The following SEC14L5 variants were observed in gnomAD, a reference collection of about 807,000 sequenced individuals.
SEC14L5 encodes SEC14-like protein 5.
SEC14L5 carries 96 observed loss-of-function variants against 84.6 expected under a neutral mutation model. That is an observed-to-expected ratio of 1.13 (90% confidence interval 0.96 to 1.34). SEC14L5 has a LOEUF of 1.34. SEC14L5 is among the 40% of genes most tolerant of loss of function. The pLI is 0.00. For synonymous variants in SEC14L5, 546 were observed against 383.4 expected (o/e 1.42, Z -4.95); for missense variants, 1,224 against 942.5 (o/e 1.30, Z -3.91).
chr16:4,990,880 C>T lies in SEC14L5; in HGVS notation c.459C>T (p.Thr153=), dbSNP rs377449115. 8.4e-5 allele frequency: 135 copies of T among 1,601,962 alleles called. 1 individual carries two copies. The South Asian group carries it at 1.0e-3, about 12-fold the overall frequency. ...AGAAGATCGCCATGAAGCAGTACAC[C>T]GCCAACGTCAAGAGGGTAAGCGGTG... The part of the protein sequence containing the change: ...ALEKIAMKQY[T]ANVKRGKEVI... The change falls in exon 5 of 16, where the codon ACC becomes ACT. Residue 153 remains threonine, a synonymous_variant. Coordinates refer to ENST00000251170, the MANE Select transcript of SEC14L5 (RefSeq NM_014692.2).
Position 5,003,535 on chromosome 16 carries a change from G to A in SEC14L5, c.1264G>A (p.Val422Met), listed in dbSNP as rs748043090. ...YPETLGRLLI[V>M]RAPRVFPVLW... The stretch of plus-strand genomic sequence containing the variant: ...AGAGACCCTGGGTCGGCTGCTCATC[G>A]TGCGAGCCCCCCGAGTCTTCCCCGT... The change falls in exon 11 of 16, where the codon GTG becomes ATG. Residue 422 changes from valine (V) to methionine (M), a missense_variant. By Grantham distance (21) the Val-to-Met change is conservative. Transcript: ENST00000251170. 1.4e-5 allele frequency: 22 copies of A among 1,610,094 alleles called. No homozygotes were observed. In the East Asian group the frequency reaches 1.6e-4, roughly 11 times the overall value.
In SEC14L5 at chr16:5,007,450, C is replaced by G. The variant is rs760180046; in HGVS notation, c.1536C>G (p.Tyr512Ter). ...TDQLWQWSET[Y>*]HSASVLRGAP... is the part of the protein sequence containing the mutation. ...AGCTGTGGCAGTGGAGTGAGACCTA[C>G]CATTCAGCCAGCGTGCTCCGCGGAG... is the stretch of plus-strand genomic sequence containing the variant. The change falls in exon 13 of 16, where the codon TAC becomes TAG. Residue 512 changes from tyrosine to a stop codon, truncating the protein, a stop_gained. Coordinates refer to ENST00000251170, the MANE Select transcript of SEC14L5 (RefSeq NM_014692.2). LOFTEE classifies it high-confidence loss of function. 3 of 1,613,748 alleles carry G rather than the reference C, an allele frequency of 1.9e-6. 1 individual carries two copies. The highest frequency in any genetic ancestry group is 2.2e-5 in the South Asian group (2 of 91,060).
intron 2 of SEC14L5, among the ~76,000 whole-genome samples, chr16:4,981,806 G>A (rs780217613): frequency 1.3e-5 from 2 of 152,224 alleles, no homozygotes; most frequent in Non-Finnish European, 2.9e-5. Flanking sequence ...CCCAGAGAAA[G>A]GAAGGGGCTT....
chr16:5,011,668 G>C (rs1282161969), intron 15 of SEC14L5, among the ~76,000 whole-genome samples: 1 of 152,188 alleles, frequency 6.6e-6, no homozygotes, highest in Admixed American at 6.5e-5. Flanking sequence ...GTTGCTTTCA[G>C]AGAGACAGGG....
chr16:4,962,602 C>T (rs1276829707), intron 2 of SEC14L5, among the ~76,000 whole-genome samples: 1 of 148,818 alleles, frequency 6.7e-6, no homozygotes, highest in Non-Finnish European at 1.5e-5. Flanking sequence ...AGAGGAGAAT[C>T]GCTTAAACCC....
chr16:4,991,549 C>CA (rs1457019054), intron 5 of SEC14L5, among the ~76,000 whole-genome samples: 6 of 151,938 alleles, frequency 3.9e-5, no homozygotes, highest in African/African-American at 1.5e-4. Flanking sequence ...CTGGGCAACA[C>CA]AGCAAGACAC....
chr16:5,002,689 C>T (rs548541314), intron 10 of SEC14L5, among the ~76,000 whole-genome samples: 5 of 152,148 alleles, frequency 3.3e-5, no homozygotes, highest in South Asian at 2.1e-4. Context: ...TGGAGGCTCC[C>T]GGGCACCAGC....
At chr16:5,008,790 A>C (rs3743842) in intron 14 of SEC14L5, 142 bp downstream of exon 14, 159,687 of 693,926 alleles carry the variant, frequency 0.23, 19,930 homozygotes, top group East Asian at 0.28. Flanking sequence ...GGCAGAGGAA[A>C]GACACACAGG....
chr16:4,969,665 T>G (rs1199602197), intron 2 of SEC14L5, among the ~76,000 whole-genome samples: 1 of 152,160 alleles, frequency 6.6e-6, no homozygotes, highest in Non-Finnish European at 1.5e-5. Flanking sequence ...ATTACAGGTG[T>G]GAGCTACTGT....
At chr16:4,991,752 G>A (rs953931174) in intron 5 of SEC14L5, 86 bp from the exon 6 acceptor site, 13 of 875,768 alleles carry the variant, frequency 1.5e-5, no homozygotes, top group African/African-American at 6.9e-5. Context: ...GACCTGAGCC[G>A]GCTGGGGGTG....
chr16:4,969,355 G>A (rs964302197), intron 2 of SEC14L5, among the ~76,000 whole-genome samples: 9 of 151,552 alleles, frequency 5.9e-5, no homozygotes, highest in Non-Finnish European at 1.2e-4. Flanking sequence ...TTTCTCCAAT[G>A]TCAGAGGCTC....
At chr16:5,002,328 G>A (rs1288649119) in intron 10 of SEC14L5, among the ~76,000 whole-genome samples, 2 of 131,550 alleles carry the variant, frequency 1.5e-5, no homozygotes, top group African/African-American at 5.7e-5. Flanking sequence ...ACAGAGTCTC[G>A]TTCTGTCGCC....
At chr16:5,007,803 G>A (rs1014374238) in intron 13 of SEC14L5, among the ~76,000 whole-genome samples, 2 of 150,952 alleles carry the variant, frequency 1.3e-5, no homozygotes, top group South Asian at 2.1e-4. Context: ...ACGGGTTTTC[G>A]TCATGTTGGT....
chr16:4,959,454 A>T, intron 2 of SEC14L5, 68 bp downstream of exon 2: 2 of 1,315,556 alleles, frequency 1.5e-6, no homozygotes, highest in Admixed American at 3.4e-5. Context: ...CTATGGCGGT[A>T]GGAAGACGGA....
At chr16:4,982,077 G>C (rs1242889788) in intron 2 of SEC14L5, among the ~76,000 whole-genome samples, 1 of 152,128 alleles carries the variant, frequency 6.6e-6, no homozygotes, top group East Asian at 1.9e-4. Flanking sequence ...TGTGTTTGTC[G>C]CAGCAACTGA....
Position 5,000,941 on chromosome 16 carries a change from G to C in SEC14L5, c.1130+16G>C, listed in dbSNP as rs1568141062. 1 of 1,591,470 alleles carries C rather than the reference G, an allele frequency of 6.3e-7. No individual in the cohort carries two copies. The highest frequency in any genetic ancestry group is 8.6e-7 in the Non-Finnish European group (1 of 1,167,130). On this transcript the variant is annotated intron_variant, in intron 10 of 15. Transcript: ENST00000251170. ...GTCCCATCAGGCAAACACCTGGGCT[G>C]GGCACAAATCCCCCCTAAACAGCAA...
chr16:4,993,479 T>C (rs977335655), intron 6 of SEC14L5, among the ~76,000 whole-genome samples: 13 of 152,220 alleles, frequency 8.5e-5, no homozygotes, highest in African/African-American at 2.9e-4. Context: ...TGACCTCAGG[T>C]GATCCACCTG....
Position 4,991,931 on chromosome 16 carries a change from G to A in SEC14L5, c.568G>A (p.Asp190Asn). The stretch of plus-strand genomic sequence containing the variant: ...GACGCCTGCCCCAGTCCGTGAGGAG[G>A]ATGCCCGCAACCAGGCTGGACCGAG... ...RWTPAPVREE[D>N]ARNQAGPRDP... Residue 190 changes from aspartate (D) to asparagine (N), a missense_variant, in exon 6 of 16, where the codon GAT becomes AAT. Physicochemically the swap from Asp to Asn is conservative, Grantham distance 23 (BLOSUM62 1). Transcript: ENST00000251170. 6.2e-7 allele frequency: 1 copy of A among 1,604,844 alleles called. No homozygotes were observed.
At chr16:4,962,072 G>A (rs1242195957) in intron 2 of SEC14L5, among the ~76,000 whole-genome samples, 1 of 146,800 alleles carries the variant, frequency 6.8e-6, no homozygotes, top group Non-Finnish European at 1.5e-5. Flanking sequence ...CACAAATCAA[G>A]AAAATGGGGG....
Sources: gnomAD v4.1 joint callset for allele counts (sites outside exome capture counted in the v4.1 genomes callset) on GRCh38, gnomAD v4.1.1 for gene constraint, MANE v1.5 for transcripts, NCBI Gene and HGNC (gene_info 2026-07-23, HGNC 2026-07-21) for gene names.